Variants in LPAR1 observed in about 807,000 individuals in gnomAD.
LPAR1 encodes the protein lysophosphatidic acid receptor 1.
In LPAR1, 5 loss-of-function variants were observed where a neutral mutation model predicts 23.8. The observed-to-expected ratio is 0.21, with a 90% CI of 0.11 to 0.44. The LOEUF is 0.44. Ranked by LOEUF, LPAR1 falls within the 20% of genes least tolerant of loss-of-function variation. The pLI is 0.99. For synonymous variants in LPAR1, 160 were observed against 164.7 expected, an observed-to-expected ratio of 0.97 and a Z score of 0.22; for missense variants, 311 against 482.8, an observed-to-expected ratio of 0.64 and a Z score of 3.33.
intron 5 of LPAR1, among the ~76,000 whole-genome samples, chr9:110,878,329 T>G (rs1287529535): frequency 1.3e-5 from 2 of 151,902 alleles, no homozygotes; most frequent in Non-Finnish European, 2.9e-5. Flanking sequence ...GACCAAAAGA[T>G]GAGGATGCAC....
Position 110,875,545 on chromosome 9 carries a change from T to C in LPAR1, c.971A>G (p.Gln324Arg). The change falls in exon 6 of 6, where the codon CAG (glutamine) becomes CGG (arginine). Residue 324 changes from glutamine to arginine, a missense_variant. This residue lies in a region of LPAR1 where 250 missense variants were observed against 427.2 expected (regional missense o/e 0.59). Coordinates refer to ENST00000683809, the MANE Select transcript of LPAR1 (RefSeq NM_001351411.2). Reference sequence around the variant, plus strand: ...CTCACTGCGCTGGCAGCAGAGGATCTGCCTAAAGGTGGCGCTCATTTCTTT... The same window carrying C: ...CTCACTGCGCTGGCAGCAGAGGATCCGCCTAAAGGTGGCGCTCATTTCTTT... ...RDKEMSATFR[Q>R]ILCCQRSENP... is the part of the protein sequence containing the mutation. 1 of 1,614,164 alleles carries C rather than the reference T, an allele frequency of 6.2e-7. No homozygotes were observed. The highest frequency in any genetic ancestry group is 8.5e-7 in the Non-Finnish European group (1 of 1,180,022).
chr9:110,955,852 A>C (rs1285954289), intron 4 of LPAR1, among the ~76,000 whole-genome samples: 1 of 152,112 alleles, frequency 6.6e-6, no homozygotes, highest in Non-Finnish European at 1.5e-5. Context: ...TTCTTGAAAC[A>C]AATGAAAATT....
In LPAR1 at chr9:110,942,164, G is replaced by T. The variant is rs1466452070; in HGVS notation, c.50C>A (p.Thr17Lys). 2 of 1,599,240 alleles carry T rather than the reference G, an allele frequency of 1.3e-6. No homozygotes were observed. Among genetic ancestry groups the T allele is most frequent in the East Asian group, 4.5e-5 (2 of 44,746 alleles). ...SIPVISQPQF[T>K]AMNEPQCFYN... ...GAAGCACTGTGGTTCATTCATGGCT[G>T]TGAACTAAAAGAAAAAGGAGAAAAG... Residue 17 changes from threonine to lysine, a missense_variant, in exon 5 of 6, where the codon ACA becomes AAA. Physicochemically the swap from Thr to Lys is moderately conservative, Grantham distance 78 (BLOSUM62 -1). This residue lies in a region of LPAR1 where 61 missense variants were observed against 55.6 expected (regional missense o/e 1.10). Coordinates refer to ENST00000683809, the MANE Select transcript of LPAR1 (RefSeq NM_001351411.2).
chr9:110,987,861 A>T (rs1295885859), intron 2 of LPAR1, among the ~76,000 whole-genome samples: 2 of 152,060 alleles, frequency 1.3e-5, no homozygotes, highest in African/African-American at 4.8e-5. Context: ...ACAAGGCTAA[A>T]AATAAACACT....
intron 4 of LPAR1, among the ~76,000 whole-genome samples, chr9:110,959,640 CA>C (rs1320655477): frequency 6.6e-6 from 1 of 151,084 alleles, no homozygotes; most frequent in South Asian, 2.1e-4. Flanking sequence ...AAAAAATAAA[CA>C]AAAAAAAGTA....
chr9:110,914,621 T>C (rs2092858769), intron 5 of LPAR1, among the ~76,000 whole-genome samples: 1 of 152,168 alleles, frequency 6.6e-6, no homozygotes, highest in African/African-American at 2.4e-5. Context: ...TCTAGAACAA[T>C]TCTGGTTGTG....
chr9:110,957,904 T>C lies in LPAR1; in HGVS notation c.45+14169A>G, dbSNP rs78834526. ...AAAGTTGCAGGATACAAAATCAACA[T>C]ACAAAAATCAATAGTGTTTTTACAC... is the stretch of plus-strand genomic sequence containing the variant. On this transcript the variant is annotated intron_variant, in intron 4 of 5. Transcript: ENST00000683809. Among the ~76,000 whole-genome samples, 1,344 of 152,028 alleles carry C rather than the reference T, an allele frequency of 8.8e-3. 23 individuals are homozygous for C. The highest frequency in any genetic ancestry group is 0.031 in the African/African-American group (1,272 of 41,462).
intron 5 of LPAR1, among the ~76,000 whole-genome samples, chr9:110,899,627 G>A (rs1564406766): frequency 6.6e-6 from 1 of 152,138 alleles, no homozygotes; most frequent in Non-Finnish European, 1.5e-5. Context: ...ATGTGTACAC[G>A]AATCACCCAG....
intron 2 of LPAR1, among the ~76,000 whole-genome samples, chr9:110,999,854 G>A (rs1443950289): frequency 1.3e-5 from 2 of 151,988 alleles, no homozygotes; most frequent in Admixed American, 6.6e-5. Flanking sequence ...ACACGCACAC[G>A]CCACCACACC....
chr9:111,030,287 C>T (rs575642378), intron 2 of LPAR1, among the ~76,000 whole-genome samples: 2 of 152,256 alleles, frequency 1.3e-5, no homozygotes, highest in East Asian at 3.9e-4. Context: ...ATAGTGGGTA[C>T]AGAATGAATG....
chr9:111,026,188 C>T (rs1469081678), intron 2 of LPAR1, among the ~76,000 whole-genome samples: 1 of 152,152 alleles, frequency 6.6e-6, no homozygotes, highest in Admixed American at 6.5e-5. Flanking sequence ...TCATTTGTGT[C>T]GTCTCTTGTT....
chr9:110,974,149 A>G (rs1172889398), intron 2 of LPAR1, among the ~76,000 whole-genome samples: 1 of 100,456 alleles, frequency 1.0e-5, no homozygotes, highest in South Asian at 3.3e-4. Flanking sequence ...ACAGAGCAAG[A>G]CTCCGTCTCA....
chr9:110,963,335 A>T (rs2096071787), intron 4 of LPAR1, among the ~76,000 whole-genome samples: 2 of 152,226 alleles, frequency 1.3e-5, no homozygotes, highest in Admixed American at 6.5e-5. Context: ...GCAATATGGG[A>T]ACAAATTTAA....
At chr9:111,018,290 G>A (rs973304592) in intron 2 of LPAR1, among the ~76,000 whole-genome samples, 1 of 152,146 alleles carries the variant, frequency 6.6e-6, no homozygotes, top group South Asian at 2.1e-4. Context: ...TCTGCTGGTA[G>A]GAGTATGAAG....
intron 2 of LPAR1, among the ~76,000 whole-genome samples, chr9:110,977,175 T>C (rs1165437148): frequency 6.6e-6 from 1 of 152,180 alleles, no homozygotes; most frequent in Non-Finnish European, 1.5e-5. Context: ...AAACCCATAA[T>C]GATACCCCTA....
In LPAR1 at chr9:110,968,653, C is replaced by T. The variant is rs143836464; in HGVS notation, c.45+3420G>A. ...GTGCATTCCTGCATGGGTGACAAAG[C>T]GTTGTAACTTTTTGTTTTATCTGTG... On this transcript the variant is annotated intron_variant, in intron 4 of 5. Coordinates refer to ENST00000683809, the MANE Select transcript of LPAR1 (RefSeq NM_001351411.2). Among the ~76,000 whole-genome samples the T allele has an allele frequency of 2.4e-3, 359 of 152,246 alleles. 1 individual carries two copies. Among genetic ancestry groups the T allele is most frequent in the African/African-American group, 8.1e-3 (338 of 41,550 alleles).
In LPAR1 at chr9:110,919,571, G is replaced by A. The variant is rs191289758; in HGVS notation, c.793+21850C>T. ...CAACACCTAAAGACAGAGACAATTT[G>A]CATGGGAATTGCCTTTTAATCCACT... On this transcript the variant is annotated intron_variant, in intron 5 of 5. Coordinates refer to ENST00000683809, the MANE Select transcript of LPAR1 (RefSeq NM_001351411.2). 2.6e-5 allele frequency among the ~76,000 whole-genome samples: 4 copies of A among 152,302 alleles called. No individual in the cohort carries two copies. In the East Asian group the frequency reaches 7.7e-4, roughly 29 times the overall value.
At chr9:110,879,911 G>A (rs139357530) in intron 5 of LPAR1, among the ~76,000 whole-genome samples, 1 of 152,236 alleles carries the variant, frequency 6.6e-6, no homozygotes, top group African/African-American at 2.4e-5. Flanking sequence ...GGAAACACAG[G>A]AGAAAATGTT....
intron 5 of LPAR1, among the ~76,000 whole-genome samples, chr9:110,902,206 A>G (rs955543108): frequency 2.0e-5 from 3 of 152,100 alleles, no homozygotes; most frequent in Non-Finnish European, 2.9e-5. Flanking sequence ...GGGAGTCCCA[A>G]TGATACTACC....
Sources: gnomAD v4.1 joint callset for allele counts (sites outside exome capture counted in the v4.1 genomes callset) on GRCh38, gnomAD v4.1.1 for gene constraint, gnomAD v4.1.1 regional missense constraint, MANE v1.5 for transcripts, NCBI Gene and HGNC (gene_info 2026-07-23, HGNC 2026-07-21) for gene names.